Variants in SVOPL observed in about 807,000 individuals in gnomAD.
SVOPL encodes putative transporter SVOPL.
In SVOPL, 60 loss-of-function variants were observed where a neutral mutation model predicts 61.0. The observed-to-expected ratio is 0.98, with a 90% CI of 0.80 to 1.22. The LOEUF (loss-of-function observed/expected upper bound fraction) is 1.22, where lower values mean the gene tolerates loss of function less well. Among genes scored for constraint, SVOPL ranks in the 50% most tolerant of loss-of-function variants. SVOPL has a pLI of 0.00. For synonymous variants in SVOPL, 279 were observed against 250.0 expected, an observed-to-expected ratio of 1.12 and a Z score of -1.09; for missense variants, 662 against 643.9, an observed-to-expected ratio of 1.03 and a Z score of -0.30.
chr7:138,639,541 C>T (rs1204279787), intron 9 of SVOPL, among the ~76,000 whole-genome samples: 1 of 150,982 alleles, frequency 6.6e-6, no homozygotes, highest in African/African-American at 2.4e-5. Context: ...GCAGGAGAAT[C>T]GCTTGAACCT....
At chr7:138,689,646 C>A (rs1802896224) in intron 1 of SVOPL, 6 of 358,910 alleles carry the variant, frequency 1.7e-5, no homozygotes, top group Admixed American at 4.3e-5. Flanking sequence ...ATCACAAGGT[C>A]AGCAGTTTGA....
chr7:138,614,779 G>A lies in SVOPL; in HGVS notation c.1353+6267C>T, dbSNP rs558650066. ...TGACAGCTATGCGACTGACGACAACGGAAGTGAGTCAGGCAAAGAGGCTGT... is the reference window on the plus strand; with the variant it reads ...TGACAGCTATGCGACTGACGACAACAGAAGTGAGTCAGGCAAAGAGGCTGT... On this transcript the variant is annotated intron_variant, in intron 14 of 15. Coordinates refer to ENST00000674285, the MANE Select transcript of SVOPL (RefSeq NM_001139456.2). Among the ~76,000 whole-genome samples the A allele has an allele frequency of 2.2e-3, 338 of 152,320 alleles. 2 individuals are homozygous for A. Among genetic ancestry groups the A allele is most frequent in the Non-Finnish European group, 3.9e-3 (267 of 68,026 alleles).
chr7:138,615,079 G>T (rs112476950), intron 14 of SVOPL, among the ~76,000 whole-genome samples: 7,629 of 152,200 alleles, frequency 0.05, 223 homozygotes, highest in Middle Eastern at 0.11. Flanking sequence ...TCCATAGTAG[G>T]TTCCAGCAGT....
rs574300625 is a variant in SVOPL at position 138,700,779 on chromosome 7, C to T, written c.-35+399G>A. Among the ~76,000 whole-genome samples, 11 of 152,078 alleles carry T rather than the reference C, an allele frequency of 7.2e-5. No individual in the cohort carries two copies. The South Asian group carries it at 2.1e-3, about 29-fold the overall frequency. ...GGGAATAACATGGAAAAGAATGCTTCGCGTCCCTCACTATAAGTTCCTAAA... is the reference window on the plus strand; with the variant it reads ...GGGAATAACATGGAAAAGAATGCTTTGCGTCCCTCACTATAAGTTCCTAAA... On this transcript the variant is annotated intron_variant, in intron 1 of 15. Coordinates refer to ENST00000674285, the MANE Select transcript of SVOPL (RefSeq NM_001139456.2).
chr7:138,631,960 T>TCACACACATACACACACA (rs1800216495), intron 9 of SVOPL, among the ~76,000 whole-genome samples: 2 of 146,966 alleles, frequency 1.4e-5, no homozygotes, highest in Admixed American at 1.4e-4. Context: ...TGCTCTGATA[T>TCACACACATACACACACA]CACACACACA....
chr7:138,659,757 A>T, intron 6 of SVOPL, 107 bp downstream of exon 6: 1 of 1,108,076 alleles, frequency 9.0e-7, no homozygotes, highest in Non-Finnish European at 1.3e-6. Context: ...CCTGTCTCAG[A>T]TATGTTGGGT....
At chr7:138,638,375 T>G (rs1244930587) in intron 9 of SVOPL, among the ~76,000 whole-genome samples, 1 of 151,704 alleles carries the variant, frequency 6.6e-6, no homozygotes, top group Non-Finnish European at 1.5e-5. Context: ...ATAAAAATGT[T>G]AATAAATCTA....
intron 1 of SVOPL, among the ~76,000 whole-genome samples, chr7:138,698,435 C>CA (rs1803119879): frequency 6.6e-6 from 1 of 152,104 alleles, no homozygotes; most frequent in Non-Finnish European, 1.5e-5. Context: ...AGACTAGAGG[C>CA]AGGGTGGCTG....
chr7:138,653,232 G>A (rs1036941657), intron 7 of SVOPL, among the ~76,000 whole-genome samples: 1 of 152,200 alleles, frequency 6.6e-6, no homozygotes, highest in African/African-American at 2.4e-5. Flanking sequence ...AAGTGCTGCT[G>A]GAGAAGCTGC....
At chr7:138,668,000 G>A (rs561648835) in intron 4 of SVOPL, among the ~76,000 whole-genome samples, 44 of 152,272 alleles carry the variant, frequency 2.9e-4, no homozygotes, top group African/African-American at 8.7e-4. Flanking sequence ...TAGGAGTCAC[G>A]CAGCTGGAGG....
In SVOPL at chr7:138,695,293, C is replaced by T. The variant is rs374929858; in HGVS notation, c.-35+5885G>A. ...TTGGAAAGCCGAGGTGGGCGGATTG[C>T]TTGAGCCTAGGGGTTCAAGACTAGC... On this transcript the variant is annotated intron_variant, in intron 1 of 15. Transcript: ENST00000674285. Among the ~76,000 whole-genome samples the T allele has an allele frequency of 8.5e-5, 13 of 152,262 alleles. No individual in the cohort carries two copies. In the South Asian group the frequency reaches 2.7e-3, roughly 32 times the overall value.
At chr7:138,664,814 G>T (rs1485152178) in intron 4 of SVOPL, among the ~76,000 whole-genome samples, 3 of 82,000 alleles carry the variant, frequency 3.7e-5, no homozygotes, top group African/African-American at 1.5e-4. Context: ...CGCCACCCCG[G>T]CGCTCGACCC....
intron 9 of SVOPL, among the ~76,000 whole-genome samples, chr7:138,643,037 G>A (rs971641700): frequency 2.6e-5 from 4 of 151,990 alleles, no homozygotes; most frequent in African/African-American, 9.7e-5. Flanking sequence ...TTCAGCTGCT[G>A]TAGAACACAG....
chr7:138,649,089 T>A lies in SVOPL; in HGVS notation c.583A>T (p.Ile195Phe). 2 of 1,613,054 alleles carry A rather than the reference T, an allele frequency of 1.2e-6. No individual in the cohort carries two copies. Among genetic ancestry groups the A allele is most frequent in the Non-Finnish European group, 1.7e-6 (2 of 1,179,884 alleles). ...SLLIIGLASV[I>F]IPTIGWRWLI... ...CAGCGCCACCCGATGGTGGGGATGA[T>A]CACAGAGGCCAAGCCAATGATGAGC... is the stretch of plus-strand genomic sequence containing the variant. Residue 195 changes from isoleucine to phenylalanine, a missense_variant, in exon 8 of 16, where the codon ATC becomes TTC. Transcript: ENST00000674285.
intron 9 of SVOPL, among the ~76,000 whole-genome samples, chr7:138,642,831 C>CAAAAAAAAAAAAAAAA (rs749603417): frequency 2.3e-3 from 61 of 26,884 alleles, no homozygotes; most frequent in African/African-American, 4.5e-3. Context: ...CTCCTACCTC[C>CAAAAAAAAAAAAAAAA]AAAAAAAAAA....
intron 14 of SVOPL, among the ~76,000 whole-genome samples, chr7:138,604,079 T>A (rs1412854545): frequency 6.7e-6 from 1 of 149,584 alleles, no homozygotes; most frequent in African/African-American, 2.5e-5. Flanking sequence ...TCCTCTCAGC[T>A]CAGCCTCTCA....
At chr7:138,617,724 TACTTG>T (rs915607527) in intron 14 of SVOPL, among the ~76,000 whole-genome samples, 54 of 152,256 alleles carry the variant, frequency 3.5e-4, no homozygotes, top group African/African-American at 1.3e-3. Flanking sequence ...TAGTCCCAGC[TACTTG>T]TGGGGCTGAG....
chr7:138,619,991 A>G (rs1799478361), intron 14 of SVOPL, among the ~76,000 whole-genome samples: 1 of 152,074 alleles, frequency 6.6e-6, no homozygotes, highest in South Asian at 2.1e-4. Flanking sequence ...AGACAGAGAA[A>G]GAGGACAGAG....
chr7:138,674,826 A>G (rs896102949), intron 3 of SVOPL, among the ~76,000 whole-genome samples: 16 of 150,724 alleles, frequency 1.1e-4, no homozygotes, highest in Non-Finnish European at 1.9e-4. Flanking sequence ...ACTGCACTCC[A>G]GCCTGGGCAA....
Sources: allele counts gnomAD v4.1 joint callset (sites outside exome capture counted in the v4.1 genomes callset), GRCh38; gene constraint gnomAD v4.1.1; transcripts MANE v1.5; gene names NCBI Gene and HGNC (gene_info 2026-07-23, HGNC 2026-07-21).